TTC7A: variants seen among roughly 807,000 people sequenced by gnomAD.
TTC7A encodes tetratricopeptide repeat domain 7A.
In TTC7A, 110 loss-of-function variants were observed where a neutral mutation model predicts 103.7. The observed-to-expected ratio is 1.06, with a 90% CI of 0.91 to 1.24. TTC7A has a LOEUF of 1.24. Ranked by LOEUF, TTC7A falls within the 50% of genes most tolerant of loss-of-function variation. The pLI, the probability that TTC7A is intolerant of heterozygous loss-of-function variation, is 0.00. For synonymous variants in TTC7A, 521 were observed against 467.9 expected, an observed-to-expected ratio of 1.11 and a Z score of -1.47; for missense variants, 1,340 against 1,116.3, an observed-to-expected ratio of 1.20 and a Z score of -2.86.
intron 2 of TTC7A, chr2:46,917,293 G>T (rs757597660): frequency 6.6e-5 from 43 of 656,226 alleles, no homozygotes; most frequent in Non-Finnish European, 1.0e-4. Flanking sequence ...CCACCGCGCC[G>T]GGACAAAGAA....
rs746938326 is a variant in TTC7A at position 47,011,339 on chromosome 2, C to T, written c.1296C>T (p.Tyr432=). The T allele has an allele frequency of 1.1e-5, 17 of 1,613,282 alleles. No individual in the cohort carries two copies. The highest frequency in any genetic ancestry group is 2.7e-5 in the African/African-American group (2 of 74,922). The change falls in exon 11 of 20, where the codon TAC becomes TAT. Residue 432 remains tyrosine, a synonymous_variant. Transcript: ENST00000319190. The part of the protein sequence containing the change: ...LSMVACGKSA[Y]AVSLLRECVK... ...GCTCTTTTTTTCTGCAGTCAGCCTA[C>T]GCTGTGTCCCTGCTGCGGGAGTGTG...
chr2:46,976,817 C>T (rs915181122), intron 4 of TTC7A, among the ~76,000 whole-genome samples: 1 of 152,198 alleles, frequency 6.6e-6, no homozygotes, highest in African/African-American at 2.4e-5. Context: ...CAAAGTCACC[C>T]CCCTGCTGAC....
At chr2:47,006,116 A>G in intron 9 of TTC7A, 57 bp downstream of exon 9, 1 of 1,589,098 alleles carries the variant, frequency 6.3e-7, no homozygotes, top group Non-Finnish European at 8.6e-7. Context: ...CTGTAAAGGA[A>G]ATCAGACAGA....
chr2:46,966,939 G>A lies in TTC7A; in HGVS notation c.518-8034G>A, dbSNP rs555814278. On this transcript the variant is annotated intron_variant, in intron 3 of 19. Transcript: ENST00000319190. ...CGTTAAAAAATTGTGTTGGCCGGGC[G>A]CGGTGGCTCATGCCTATAATCCCAG... Among the ~76,000 whole-genome samples, 35 of 150,990 alleles carry A rather than the reference G, an allele frequency of 2.3e-4. 1 individual carries two copies. The highest frequency in any genetic ancestry group is 1.6e-3 in the Admixed American group (24 of 15,186).
intron 19 of TTC7A, among the ~76,000 whole-genome samples, chr2:47,072,020 G>A (rs1328141333): frequency 6.6e-6 from 1 of 152,178 alleles, no homozygotes; most frequent in Non-Finnish European, 1.5e-5. Context: ...TTAATTTTGT[G>A]TCTGGCGGCC....
chr2:47,030,482 T>C (rs899860426), intron 15 of TTC7A, among the ~76,000 whole-genome samples: 1 of 152,204 alleles, frequency 6.6e-6, no homozygotes, highest in Non-Finnish European at 1.5e-5. Flanking sequence ...TTTGCCAGCG[T>C]GCCGAGCACT....
chr2:46,978,617 A>G, intron 4 of TTC7A, 175 bp from the exon 5 acceptor site: 1 of 475,800 alleles, frequency 2.1e-6, no homozygotes, highest in East Asian at 3.8e-5. Flanking sequence ...ATGGGGAGAG[A>G]ATGCTTTAGA....
At position 47,007,400 on chromosome 2, in the gene TTC7A, C is replaced by A. The variant is rs995880635; in HGVS notation, c.1287+676C>A. 1.3e-5 allele frequency among the ~76,000 whole-genome samples: 2 copies of A among 152,176 alleles called. No individual in the cohort carries two copies. Among genetic ancestry groups the A allele is most frequent in the Middle Eastern group, 3.2e-3 (1 of 316 alleles). On this transcript the variant is annotated intron_variant, in intron 10 of 19. Transcript: ENST00000319190. The surrounding 1 kb of genome is among the most constrained non-coding windows in gnomAD (Gnocchi z 4.9). ...TTAAGCAGTGACATGAAAGGAAAAC[C>A]TTTCTGGAGCTGAGTTCTGAGGGTG...
At chr2:47,035,296 TC>T (rs1487084373) in intron 15 of TTC7A, 8 of 152,342 alleles carry the variant, frequency 5.3e-5, no homozygotes, top group African/African-American at 1.9e-4. Context: ...ACATAGTTTA[TC>T]ACTTTGCTGG....
Position 46,941,765 on chromosome 2 carries a change from G to A in TTC7A, c.184+40G>A. On this transcript the variant is annotated intron_variant, in intron 1 of 19. Coordinates refer to ENST00000319190, the MANE Select transcript of TTC7A (RefSeq NM_020458.4). This position sits in a 1 kb window ranked among gnomAD's most constrained non-coding sequence, Gnocchi z 4.2. ...AGGCTGGCTCGCCGGCAGCGAGCGC[G>A]CGAAACGCACCGCCTCCTCCAGGAA... The A allele has an allele frequency of 6.5e-7, 1 of 1,546,528 alleles. No homozygotes were observed. The highest frequency in any genetic ancestry group is 8.7e-7 in the Non-Finnish European group (1 of 1,145,452).
intron 15 of TTC7A, among the ~76,000 whole-genome samples, chr2:47,036,685 C>G (rs549432433): frequency 6.6e-6 from 1 of 152,240 alleles, no homozygotes; most frequent in Admixed American, 6.5e-5. Context: ...AGCAAGACCT[C>G]GTCTGTACAA....
Position 47,006,794 on chromosome 2 carries a change from C to G in TTC7A, c.1287+70C>G. Reference sequence around the variant, plus strand: ...GGCTCTGCTGAGATGGACAGAGGGGCTTTTCTGGCCAGGGGAGTGGGTGGG... The same window carrying G: ...GGCTCTGCTGAGATGGACAGAGGGGGTTTTCTGGCCAGGGGAGTGGGTGGG... On this transcript the variant is annotated intron_variant, in intron 10 of 19. Transcript: ENST00000319190. 2.3e-6 allele frequency: 3 copies of G among 1,278,436 alleles called. No individual in the cohort carries two copies. In the East Asian group the frequency reaches 7.0e-5, roughly 30 times the overall value. 79.2% of individuals were successfully genotyped at this position (1,278,436 alleles called of 1,614,324 possible). A position where few individuals can be genotyped will look rare whatever the true frequency, so the allele number is the denominator to read the frequency against.
At position 46,975,073 on chromosome 2, in the gene TTC7A, C is replaced by A; in HGVS notation, c.618C>A (p.Ile206=). The change falls in exon 4 of 20, where the codon ATC becomes ATA. Residue 206 remains isoleucine, a synonymous_variant. Transcript: ENST00000319190. ...VITCFERASW[I]AQVFLQELEK... ...CCTGTTTTGAGAGGGCCTCCTGGAT[C>A]GCTCAGGTGTTCCTGCAGGAATTGG... 6.2e-7 allele frequency: 1 copy of A among 1,613,886 alleles called. No individual in the cohort carries two copies. The highest frequency in any genetic ancestry group is 8.5e-7 in the Non-Finnish European group (1 of 1,179,838).
intron 8 of TTC7A, among the ~76,000 whole-genome samples, chr2:47,004,334 G>T (rs192186109): frequency 1.3e-5 from 2 of 152,194 alleles, no homozygotes; most frequent in Non-Finnish European, 2.9e-5. Flanking sequence ...ACTCCCTCCA[G>T]CCCTGCGCTG....
chr2:46,921,013 A>T (rs2103802227), intron 2 of TTC7A, among the ~76,000 whole-genome samples: 1 of 152,138 alleles, frequency 6.6e-6, no homozygotes, highest in African/African-American at 2.4e-5. Context: ...GAATAGAGGG[A>T]TACTTTCTCA....
chr2:46,996,508 G>A (rs929825821), intron 8 of TTC7A, among the ~76,000 whole-genome samples: 4 of 152,206 alleles, frequency 2.6e-5, no homozygotes, highest in Non-Finnish European at 5.9e-5. Flanking sequence ...GATTGCCTCT[G>A]GTGCCTCAGG....
intron 15 of TTC7A, among the ~76,000 whole-genome samples, chr2:47,031,723 A>C (rs926123702): frequency 6.6e-6 from 1 of 152,170 alleles, no homozygotes; most frequent in Non-Finnish European, 1.5e-5. Flanking sequence ...CCATCCCAGC[A>C]CCTGACATCT....
At chr2:47,057,256 G>T (rs1306850985) in intron 18 of TTC7A, among the ~76,000 whole-genome samples, 2 of 152,226 alleles carry the variant, frequency 1.3e-5, no homozygotes, top group Non-Finnish European at 2.9e-5. Flanking sequence ...CTGCCAGGCT[G>T]CCAGAAGCCT....
At chr2:46,990,195 G>A (rs1207802129) in intron 5 of TTC7A, among the ~76,000 whole-genome samples, 1 of 152,246 alleles carries the variant, frequency 6.6e-6, no homozygotes, top group Non-Finnish European at 1.5e-5. Context: ...GGAGCTCGTT[G>A]AGGTCTGTCC....
Sources: allele counts gnomAD v4.1 joint callset (sites outside exome capture counted in the v4.1 genomes callset), GRCh38; gene constraint gnomAD v4.1.1; non-coding constraint Gnocchi (gnomAD v3.1); transcripts MANE v1.5; gene names NCBI Gene and HGNC (gene_info 2026-07-23, HGNC 2026-07-21).